The following TASP1 variants were observed in gnomAD, a reference collection of about 807,000 sequenced individuals.
The protein encoded by TASP1 is threonine aspartase 1.
TASP1 carries 16 observed loss-of-function variants against 56.6 expected under a neutral mutation model. The observed-to-expected ratio is 0.28, with a 90% CI of 0.19 to 0.43. The LOEUF (loss-of-function observed/expected upper bound fraction) is 0.43. Ranked by LOEUF, TASP1 falls within the 20% of genes least tolerant of loss-of-function variation. The pLI is 1.00. For missense variants in TASP1, 393 were observed against 511.6 expected (o/e 0.77, Z 2.24); for synonymous variants, 179 against 184.2 (o/e 0.97, Z 0.23).
chr20:13,624,718 A>C (rs1171657354), intron 3 of TASP1, among the ~76,000 whole-genome samples: 1 of 152,222 alleles, frequency 6.6e-6, no homozygotes, highest in African/African-American at 2.4e-5. Context: ...AAAAAGCACA[A>C]CTGAGTACAA....
chr20:13,220,749 C>T, the TASP1 span, among the ~76,000 whole-genome samples: 1 of 152,230 alleles, frequency 6.6e-6, no homozygotes, highest in Non-Finnish European at 1.5e-5. Context: ...CACTTTGGCA[C>T]TCCTCCTCTC....
chr20:13,212,386 T>A, the TASP1 span, among the ~76,000 whole-genome samples: 1 of 152,218 alleles, frequency 6.6e-6, no homozygotes, highest in Non-Finnish European at 1.5e-5. Flanking sequence ...GCTAAGCCAT[T>A]GGGCTTTGGA....
At chr20:13,422,298 T>G (rs2042469440) in intron 12 of TASP1, among the ~76,000 whole-genome samples, 1 of 152,270 alleles carries the variant, frequency 6.6e-6, no homozygotes, top group African/African-American at 2.4e-5. Flanking sequence ...GGGTTTAACG[T>G]TTTCCTGATG....
chr20:13,366,080 G>A, the TASP1 span, among the ~76,000 whole-genome samples: 1 of 152,242 alleles, frequency 6.6e-6, no homozygotes, highest in East Asian at 1.9e-4. Context: ...TGAATTCTGG[G>A]GAGAGAACAG....
chr20:13,603,813 T>C lies in TASP1; in HGVS notation c.283-16443A>G, dbSNP rs142242901. On this transcript the variant is annotated intron_variant, in intron 4 of 13. Coordinates refer to ENST00000337743, the MANE Select transcript of TASP1 (RefSeq NM_017714.3). ...AAATTTCCCTGAACTACTTTTCAAC[T>C]GGGCTAGACTTTTGGACTTCCATGT... is the stretch of plus-strand genomic sequence containing the variant. 1.8e-3 allele frequency among the ~76,000 whole-genome samples: 267 copies of C among 152,338 alleles called. 1 individual carries two copies. Among genetic ancestry groups the C allele is most frequent in the African/African-American group, 6.2e-3 (257 of 41,574 alleles).
intron 6 of TASP1, among the ~76,000 whole-genome samples, chr20:13,570,974 T>C (rs74723415): frequency 0.017 from 2,640 of 152,280 alleles, 87 homozygotes; most frequent in African/African-American, 0.058. Context: ...AGACAAAAGT[T>C]TGGAGTTAAT....
intron 4 of TASP1, among the ~76,000 whole-genome samples, chr20:13,615,332 A>T (rs1297940328): frequency 6.6e-6 from 1 of 152,148 alleles, no homozygotes; most frequent in Non-Finnish European, 1.5e-5. Flanking sequence ...GCCAGTAAAA[A>T]CTACCTGGCA....
At chr20:13,288,786 C>CT in the TASP1 span, 1 of 1,213,186 alleles carries the variant, frequency 8.2e-7, no homozygotes. Context: ...CACTACTTTT[C>CT]TTTTCTTTTT....
the TASP1 span, among the ~76,000 whole-genome samples, chr20:13,380,929 T>C: frequency 1.3e-5 from 2 of 152,082 alleles, no homozygotes; most frequent in Non-Finnish European, 2.9e-5. Context: ...CCCTCCCCCC[T>C]CCAAGCTCAA....
At chr20:13,328,507 A>C in the TASP1 span, among the ~76,000 whole-genome samples, 1 of 152,198 alleles carries the variant, frequency 6.6e-6, no homozygotes, top group African/African-American at 2.4e-5. Context: ...ACATGCACAC[A>C]TATGTTCACT....
chr20:13,350,375 A>G, the TASP1 span, among the ~76,000 whole-genome samples: 11 of 152,230 alleles, frequency 7.2e-5, no homozygotes, highest in Non-Finnish European at 1.6e-4. Context: ...TTTTGTACAC[A>G]TAGTAACACT....
chr20:13,265,658 C>A, the TASP1 span, among the ~76,000 whole-genome samples: 1 of 152,176 alleles, frequency 6.6e-6, no homozygotes, highest in East Asian at 1.9e-4. Context: ...GAGGAAAAAC[C>A]TCTTGCAATT....
the TASP1 span, among the ~76,000 whole-genome samples, chr20:13,161,078 A>T: frequency 3.3e-5 from 5 of 152,366 alleles, 1 homozygote; most frequent in South Asian, 1.0e-3. Flanking sequence ...GACAAGGCTA[A>T]TGGTAGTGGA....
the TASP1 span, chr20:13,164,931 G>A: frequency 7.2e-7 from 1 of 1,380,620 alleles, no homozygotes; most frequent in Non-Finnish European, 1.0e-6. Flanking sequence ...TGCCTCACAA[G>A]GAATATAAAT....
chr20:13,269,115 G>A, the TASP1 span, among the ~76,000 whole-genome samples: 1 of 152,144 alleles, frequency 6.6e-6, no homozygotes, highest in African/African-American at 2.4e-5. Context: ...GGCGTGTGGA[G>A]ACAGTGTGCT....
chr20:13,240,284 A>G, the TASP1 span, among the ~76,000 whole-genome samples: 2,556 of 152,360 alleles, frequency 0.017, 31 homozygotes, highest in Non-Finnish European at 0.022. Flanking sequence ...ATTATTATAG[A>G]TTGTGATAGG....
At chr20:13,318,137 A>AAATAAATAAATG in the TASP1 span, among the ~76,000 whole-genome samples, 1 of 614 alleles carries the variant, frequency 1.6e-3, no homozygotes, top group East Asian at 0.17. Flanking sequence ...ACACTTGAAA[A>AAATAAATAAATG]AATAAATAAA....
intron 11 of TASP1, among the ~76,000 whole-genome samples, chr20:13,467,673 G>A (rs1184046333): frequency 6.6e-6 from 1 of 152,052 alleles, no homozygotes; most frequent in Non-Finnish European, 1.5e-5. Context: ...AAGAAGGGAA[G>A]GAAGACAAAC....
At chr20:13,637,768 T>C (rs1376478124) in intron 1 of TASP1, among the ~76,000 whole-genome samples, 2 of 152,286 alleles carry the variant, frequency 1.3e-5, no homozygotes, top group African/African-American at 4.8e-5. Context: ...GTCATGAGTA[T>C]AGGATTTCTT....
Sources: gnomAD v4.1 joint callset for allele counts (sites outside exome capture counted in the v4.1 genomes callset) on GRCh38, gnomAD v4.1.1 for gene constraint, MANE v1.5 for transcripts, NCBI Gene and HGNC (gene_info 2026-07-23, HGNC 2026-07-21) for gene names.